Variants in MTFR2 observed in about 807,000 individuals in gnomAD.
MTFR2 encodes the protein mitochondrial fission regulator 2.
Under a neutral mutation model 41.2 loss-of-function variants are expected in MTFR2, and 44 were observed. That is an observed-to-expected ratio of 1.07 (90% CI 0.84 to 1.37). The LOEUF (loss-of-function observed/expected upper bound fraction) is 1.37. Ranked by LOEUF, MTFR2 falls within the 40% of genes most tolerant of loss-of-function variation. The pLI, the probability that MTFR2 is intolerant of heterozygous loss-of-function variation, is 0.00. For synonymous variants in MTFR2, 141 were observed against 154.6 expected (o/e 0.91, Z 0.65); for missense variants, 452 against 459.5 (o/e 0.98, Z 0.15).
rs1562211473 is a variant in MTFR2, at chr6:136,241,559, A to G, written c.399T>C (p.Pro133=). ...TTTTTCTAATTGCAGCTTCATTTAC[A>G]GGCAGGTCATTTTTCACAGTTTCTT... is the stretch of plus-strand genomic sequence containing the variant. ...RQKETVKNDL[P]VNEAAIRKIA... Residue 133 remains proline, a synonymous_variant, in exon 5 of 8, where the codon CCT becomes CCC. Transcript: ENST00000420702. 6.2e-7 allele frequency: 1 copy of G among 1,614,180 alleles called. No individual in the cohort carries two copies. Among genetic ancestry groups the G allele is most frequent in the Non-Finnish European group, 8.5e-7 (1 of 1,180,028 alleles).
intron 5 of MTFR2, among the ~76,000 whole-genome samples, chr6:136,240,933 T>C (rs1262833506): frequency 1.3e-5 from 2 of 151,992 alleles, no homozygotes; most frequent in South Asian, 2.1e-4. Context: ...CTACTAAAAA[T>C]ACAAAAAATT....
At position 136,241,685 on chromosome 6, in the gene MTFR2, G is replaced by A. The variant is rs746485124; in HGVS notation, c.282-9C>T. On this transcript the variant is annotated splice_polypyrimidine_tract_variant and intron_variant, in intron 4 of 7. Transcript: ENST00000420702. ...TTTTCCATATACTATTTCTGTGGGT[G>A]AAAAAAAATAGGAAATGGAGGGAAG... The A allele has an allele frequency of 2.5e-6, 4 of 1,573,630 alleles. No individual in the cohort carries two copies. Among genetic ancestry groups the A allele is most frequent in the Non-Finnish European group, 3.5e-6 (4 of 1,159,068 alleles).
intron 5 of MTFR2, among the ~76,000 whole-genome samples, chr6:136,240,892 C>A (rs187937390): frequency 6.6e-6 from 1 of 152,128 alleles, no homozygotes; most frequent in East Asian, 1.9e-4. Flanking sequence ...GAGATCGAGA[C>A]CATCCTGGCT....
intron 2 of MTFR2, among the ~76,000 whole-genome samples, chr6:136,246,338 C>G (rs1780212603): frequency 2.0e-5 from 3 of 151,588 alleles, no homozygotes; most frequent in Admixed American, 2.0e-4. Flanking sequence ...GGCTGGAGTG[C>G]AGGGCATGAT....
chr6:136,240,829 C>A (rs186672367), intron 5 of MTFR2, among the ~76,000 whole-genome samples: 6 of 152,220 alleles, frequency 3.9e-5, no homozygotes, highest in Non-Finnish European at 5.9e-5. Context: ...CGGTGGCTCA[C>A]GCCTGTAATC....
At chr6:136,236,497 G>A (rs1268513425) in intron 6 of MTFR2, among the ~76,000 whole-genome samples, 4 of 152,186 alleles carry the variant, frequency 2.6e-5, no homozygotes, top group Admixed American at 6.5e-5. Context: ...GGAGGCAGAG[G>A]CTACTGGCCT....
At chr6:136,236,332 AATG>A (rs573027746) in intron 6 of MTFR2, among the ~76,000 whole-genome samples, 89 of 152,226 alleles carry the variant, frequency 5.8e-4, no homozygotes, top group Middle Eastern at 3.4e-3. Context: ...CCTGGCCATG[AATG>A]ATGACACTTG....
chr6:136,248,850 G>A, intron 2 of MTFR2, 187 bp downstream of exon 2: 2 of 553,310 alleles, frequency 3.6e-6, no homozygotes, highest in Non-Finnish European at 6.2e-6. Flanking sequence ...AGGTAAATAT[G>A]TTCTCAATAA....
intron 4 of MTFR2, 133 bp from the exon 5 acceptor site, chr6:136,241,809 T>A (rs774590992): frequency 1.5e-4 from 104 of 706,786 alleles, no homozygotes; most frequent in Non-Finnish European, 2.0e-4. Flanking sequence ...CCGGGCACAG[T>A]GGCTCACACC....
Position 136,245,041 on chromosome 6 carries a change from G to A in MTFR2, c.64-172C>T, listed in dbSNP as rs187340365. ...TTAAAAAGAAATATAGAATGGCAGA[G>A]CCTTTCTTCAAAGAATAGAACTTTG... On this transcript the variant is annotated intron_variant, in intron 2 of 7. Transcript: ENST00000420702. 4.7e-3 allele frequency among the ~76,000 whole-genome samples: 710 copies of A among 152,072 alleles called. 9 individuals carry two copies. Among genetic ancestry groups the A allele is most frequent in the African/African-American group, 0.016 (680 of 41,486 alleles).
chr6:136,232,387 T>C (rs1024456676), intron 7 of MTFR2, among the ~76,000 whole-genome samples: 17 of 152,188 alleles, frequency 1.1e-4, no homozygotes, highest in African/African-American at 4.1e-4. Context: ...CCTGAGTAGC[T>C]GGAATTAATT....
At chr6:136,235,178 C>T (rs1232070336) in intron 6 of MTFR2, among the ~76,000 whole-genome samples, 1 of 151,596 alleles carries the variant, frequency 6.6e-6, no homozygotes, top group Non-Finnish European at 1.5e-5. Flanking sequence ...GTGTGAGCCA[C>T]CGCACCTGGC....
intron 4 of MTFR2, among the ~76,000 whole-genome samples, chr6:136,241,930 A>T (rs1359580798): frequency 1.3e-5 from 2 of 151,882 alleles, no homozygotes; most frequent in East Asian, 3.9e-4. Context: ...TATTTTTAAA[A>T]ATTCGCCGGT....
At chr6:136,249,732 C>T (rs1780314289) in intron 1 of MTFR2, among the ~76,000 whole-genome samples, 1 of 152,150 alleles carries the variant, frequency 6.6e-6, no homozygotes, top group African/African-American at 2.4e-5. Flanking sequence ...GCCCTCTTGC[C>T]TGCCACCATG....
Position 136,239,585 on chromosome 6 carries a change from G to C in MTFR2, c.750C>G (p.Asn250Lys). Residue 250 changes from asparagine (N) to lysine (K), a missense_variant, in exon 6 of 8, where the codon AAC (asparagine) becomes AAG (lysine). Asn to Lys is a moderately conservative substitution (Grantham distance 94, BLOSUM62 0). Coordinates refer to ENST00000420702, the MANE Select transcript of MTFR2 (RefSeq NM_001099286.3). ...TATAATTGGTCTTATTAGCAGCCGG[G>C]TTCTGTTTGCTCATTTCAGTTGCTG... Reference protein sequence around the residue: ...DNPATEMSKQNPAANKTNYSH... With the variant: ...DNPATEMSKQKPAANKTNYSH... 1 of 1,614,024 alleles carries C rather than the reference G, an allele frequency of 6.2e-7. No homozygotes were observed. The highest frequency in any genetic ancestry group is 8.5e-7 in the Non-Finnish European group (1 of 1,179,978).
At chr6:136,241,362 G>T in intron 5 of MTFR2, 82 bp downstream of exon 5, 1 of 1,086,054 alleles carries the variant, frequency 9.2e-7, no homozygotes, top group Non-Finnish European at 1.3e-6. Context: ...ACTATATTCA[G>T]TACAGTATCA....
At chr6:136,244,704 G>C in intron 3 of MTFR2, 61 bp downstream of exon 3, 1 of 1,171,690 alleles carries the variant, frequency 8.5e-7, no homozygotes, top group Non-Finnish European at 1.3e-6. Context: ...CCCCATACCT[G>C]TAAGAGTACC....
At chr6:136,235,417 T>A (rs942661446) in intron 6 of MTFR2, among the ~76,000 whole-genome samples, 5 of 151,576 alleles carry the variant, frequency 3.3e-5, no homozygotes, top group Non-Finnish European at 7.4e-5. Flanking sequence ...GCTAGAAAAA[T>A]AAACGTTTGA....
At position 136,239,723 on chromosome 6, in the gene MTFR2, T is replaced by C. The variant is rs2128457977; in HGVS notation, c.612A>G (p.Ser204=). The C allele has an allele frequency of 1.9e-6, 3 of 1,614,044 alleles. No homozygotes were observed. The highest frequency in any genetic ancestry group is 2.2e-5 in the East Asian group (1 of 44,876). Reference sequence around the variant, plus strand: ...GTGGAGGAGGAGGAGGAGAAAGCACTGAACCTGGAAGCTGATCTGGGTCCA... The same window carrying C: ...GTGGAGGAGGAGGAGGAGAAAGCACCGAACCTGGAAGCTGATCTGGGTCCA... ...LSVDPDQLPG[S]VLSPPPPPPL... is the part of the protein sequence containing the mutation. The change falls in exon 6 of 8, where the codon TCA becomes TCG. Residue 204 remains serine (S), a synonymous_variant. Coordinates refer to ENST00000420702, the MANE Select transcript of MTFR2 (RefSeq NM_001099286.3).
Sources: allele counts gnomAD v4.1 joint callset (sites outside exome capture counted in the v4.1 genomes callset), GRCh38; gene constraint gnomAD v4.1.1; transcripts MANE v1.5; gene names NCBI Gene and HGNC (gene_info 2026-07-23, HGNC 2026-07-21).